The following KCNG3 variants were observed in gnomAD, a reference collection of about 807,000 sequenced individuals.
KCNG3 encodes potassium voltage-gated channel modifier subfamily G member 3, also known as voltage-gated potassium channel regulatory subunit KCNG3.
Under a neutral mutation model 29.0 loss-of-function variants are expected in KCNG3, and 15 were observed. The observed-to-expected ratio is 0.52, with a 90% CI of 0.35 to 0.80. The LOEUF is 0.80. KCNG3 is among the 30% of genes least tolerant of loss of function. The probability of loss-of-function intolerance (pLI) is 0.01; values close to 1 mark genes in which losing one functional copy is unlikely to be tolerated. For synonymous variants in KCNG3, 322 were observed against 248.9 expected (o/e 1.29, Z -2.76); for missense variants, 512 against 605.7 (o/e 0.85, Z 1.62).
At chr2:42,399,056 C>CTTTTTTTTTTTTTTTTTTTT in the KCNG3 span, among the ~76,000 whole-genome samples, 18 of 107,628 alleles carry the variant, frequency 1.7e-4, no homozygotes, top group East Asian at 2.8e-4. Flanking sequence ...TTTTTCTTTT[C>CTTTTTTTTTTTTTTTTTTTT]TTTTTTTTTT....
intron 1 of KCNG3, chr2:42,463,688 G>A (rs1486475713): frequency 1.1e-5 from 2 of 181,730 alleles, no homozygotes; most frequent in South Asian, 1.2e-4. Flanking sequence ...AGCATTAGGT[G>A]ACAAGCGATG....
At position 42,493,476 on chromosome 2, in the gene KCNG3, G is replaced by C; in HGVS notation, c.26C>G (p.Ala9Gly). Residue 9 changes from alanine (A) to glycine (G), a missense_variant, in exon 1 of 2, where the codon GCC becomes GGC. Transcript: ENST00000306078. MTFGRSGAASVVLNVGGAR... is the reference protein window; with the variant it reads MTFGRSGAGSVVLNVGGAR... The stretch of plus-strand genomic sequence containing the variant: ...GCCGCCCACGTTCAGCACCACCGAG[G>C]CCGCCCCGCTGCGCCCGAAGGTCAT... The C allele has an allele frequency of 7.0e-7, 1 of 1,429,708 alleles. No individual in the cohort carries two copies. The highest frequency in any genetic ancestry group is 1.5e-5 in the African/African-American group (1 of 67,408). 88.6% of individuals were successfully genotyped at this position (1,429,708 alleles called of 1,614,324 possible). A position where few individuals can be genotyped will look rare whatever the true frequency, so the allele number is the denominator to read the frequency against.
chr2:42,475,813 C>T (rs1026615472), intron 1 of KCNG3, among the ~76,000 whole-genome samples: 3 of 152,010 alleles, frequency 2.0e-5, no homozygotes, highest in Non-Finnish European at 4.4e-5. Flanking sequence ...GCCTGTAATC[C>T]CAGCACTTAA....
rs528105690 is a variant in KCNG3 at position 42,445,042 on chromosome 2, G to C, written c.666-463C>G. 8.3e-5 allele frequency among the ~76,000 whole-genome samples: 12 copies of C among 144,526 alleles called. No homozygotes were observed. The South Asian group carries it at 2.6e-3, about 31-fold the overall frequency. 94.8% of individuals were successfully genotyped at this position (144,526 alleles called of 152,430 possible). On this transcript the variant is annotated intron_variant, in intron 1 of 1. Coordinates refer to ENST00000306078, the MANE Select transcript of KCNG3 (RefSeq NM_133329.6). ...TGACTGTGCCACTGCACTCCAGCCA[G>C]GATGACAGAAAGAGACCCTGTCTCA...
In KCNG3 at chr2:42,442,829, T is replaced by C. The variant is rs952743816; in HGVS notation, c.*1105A>G. 3 of 152,200 alleles carry C rather than the reference T, an allele frequency of 2.0e-5. 1 individual carries two copies. Among genetic ancestry groups the C allele is most frequent in the Non-Finnish European group, 4.4e-5 (3 of 68,026 alleles). The allele number at this position is 152,200 out of a possible 1,614,324, so 9.4% of individuals were successfully genotyped here. ...TATTCTTACAAGAAGAGTTTTGGTG[T>C]AGCTGTGATTCACAATAGTTAAAGA... is the stretch of plus-strand genomic sequence containing the variant. On this transcript the variant is annotated 3_prime_UTR_variant, in exon 2 of 2. Coordinates refer to ENST00000306078, the MANE Select transcript of KCNG3 (RefSeq NM_133329.6).
downstream of KCNG3, among the ~76,000 whole-genome samples, chr2:42,441,050 T>C (rs959628372): frequency 6.6e-5 from 10 of 152,152 alleles, no homozygotes; most frequent in Non-Finnish European, 1.3e-4. Context: ...TCTGTAAGTA[T>C]AGCTAAGAAA....
chr2:42,431,099 CCT>C, the KCNG3 span, among the ~76,000 whole-genome samples: 8 of 145,124 alleles, frequency 5.5e-5, no homozygotes, highest in Admixed American at 2.1e-4. Flanking sequence ...AAAGCGAGAC[CCT>C]GTCTCCAAAA....
chr2:42,490,956 T>A (rs1481623457), intron 1 of KCNG3, among the ~76,000 whole-genome samples: 1 of 152,166 alleles, frequency 6.6e-6, no homozygotes, highest in East Asian at 1.9e-4. Flanking sequence ...CTGCAGTTTA[T>A]CTGTTTGGGA....
At chr2:42,463,194 C>T (rs1037303614) in intron 1 of KCNG3, 1 of 349,866 alleles carries the variant, frequency 2.9e-6, no homozygotes, top group Non-Finnish European at 5.4e-6. Flanking sequence ...GACGTTCTTG[C>T]CATCCAGCTG....
the KCNG3 span, among the ~76,000 whole-genome samples, chr2:42,404,911 T>C: frequency 4.4e-4 from 67 of 152,310 alleles, no homozygotes; most frequent in African/African-American, 1.5e-3. Context: ...CCAGCTGCTG[T>C]TGCTGCTGCT....
chr2:42,482,531 T>C (rs2103731184), intron 1 of KCNG3, among the ~76,000 whole-genome samples: 1 of 152,198 alleles, frequency 6.6e-6, no homozygotes, highest in South Asian at 2.1e-4. Context: ...AAGACCAGCC[T>C]AGCCAACACG....
At chr2:42,457,668 C>CACACACAA (rs1553327831) in intron 1 of KCNG3, among the ~76,000 whole-genome samples, 1 of 149,602 alleles carries the variant, frequency 6.7e-6, no homozygotes, top group South Asian at 2.1e-4. Context: ...CACACACACA[C>CACACACAA]AAGGCTGGGC....
the KCNG3 span, among the ~76,000 whole-genome samples, chr2:42,417,733 G>A: frequency 5.8e-4 from 88 of 152,226 alleles, no homozygotes; most frequent in Non-Finnish European, 2.1e-4. Flanking sequence ...AGCACTTTGG[G>A]AGGCCAAGGC....
the KCNG3 span, among the ~76,000 whole-genome samples, chr2:42,406,670 T>A: frequency 0.62 from 92,846 of 150,376 alleles, 29,326 homozygotes; most frequent in East Asian, 0.76. Flanking sequence ...ACTAAAAATT[T>A]AAAAAAATAA....
chr2:42,391,655 T>C, the KCNG3 span, among the ~76,000 whole-genome samples: 4 of 133,698 alleles, frequency 3.0e-5, no homozygotes, highest in East Asian at 8.7e-4. Flanking sequence ...CAGGCTGGAG[T>C]GCAGTGGCGG....
At chr2:42,490,545 C>T (rs761998949) in intron 1 of KCNG3, among the ~76,000 whole-genome samples, 51 of 152,352 alleles carry the variant, frequency 3.3e-4, no homozygotes, top group Non-Finnish European at 5.0e-4. Context: ...CTCTGAACAA[C>T]GGAACTCTCA....
chr2:42,394,193 A>T, the KCNG3 span, among the ~76,000 whole-genome samples: 1 of 152,220 alleles, frequency 6.6e-6, no homozygotes, highest in Non-Finnish European at 1.5e-5. Context: ...ACTGGGTCAC[A>T]TGACCATGAC....
At position 42,493,351 on chromosome 2, in the gene KCNG3, A is replaced by G; in HGVS notation, c.151T>C (p.Cys51Arg). ...CRSERDVLEV[C>R]DDYDRERNEY... ...TTGCGCTCGCGGTCGTAGTCGTCGC[A>G]CACCTCGAGCACGTCGCGCTCGGAG... Residue 51 changes from cysteine (C) to arginine (R), a missense_variant, in exon 1 of 2, where the codon TGC becomes CGC. By Grantham distance (180) the Cys-to-Arg change is radical. This residue lies in a region of KCNG3 where 91 missense variants were observed against 91.1 expected (regional missense o/e 1.00). Transcript: ENST00000306078. The G allele has an allele frequency of 6.3e-7, 1 of 1,593,262 alleles. No homozygotes were observed. The highest frequency in any genetic ancestry group is 8.5e-7 in the Non-Finnish European group (1 of 1,170,048).
At chr2:42,395,861 G>C in the KCNG3 span, among the ~76,000 whole-genome samples, 3 of 152,018 alleles carry the variant, frequency 2.0e-5, no homozygotes, top group Non-Finnish European at 2.9e-5. Context: ...AGCTGAGGTG[G>C]GACACTTGAG....
Sources: allele counts gnomAD v4.1 joint callset (sites outside exome capture counted in the v4.1 genomes callset), GRCh38; gene constraint gnomAD v4.1.1; regional missense constraint gnomAD v4.1.1; transcripts MANE v1.5; gene names NCBI Gene and HGNC (gene_info 2026-07-23, HGNC 2026-07-21).